PGAP1: variants seen among roughly 807,000 people sequenced by gnomAD.
The protein encoded by PGAP1 is GPI inositol-deacylase.
Under a neutral mutation model 127.0 loss-of-function variants are expected in PGAP1, and 76 were observed. The observed-to-expected ratio is 0.60, with a 90% CI of 0.50 to 0.72. The LOEUF (loss-of-function observed/expected upper bound fraction) is 0.72, where lower values mean the gene tolerates loss of function less well. PGAP1 is among the 30% of genes least tolerant of loss of function. The pLI is 0.00. For synonymous variants in PGAP1, 362 were observed against 366.5 expected (o/e 0.99, Z 0.14); for missense variants, 982 against 1,071.3 (o/e 0.92, Z 1.16).
At chr2:196,860,757 T>C (rs1028313597) in intron 20 of PGAP1, among the ~76,000 whole-genome samples, 1 of 152,208 alleles carries the variant, frequency 6.6e-6, no homozygotes, top group Non-Finnish European at 1.5e-5. Context: ...AAACTGTCTA[T>C]ACTACCTCAA....
Position 196,880,214 on chromosome 2 carries a change from A to G in PGAP1, c.1273-61T>C, listed in dbSNP as rs139320468. On this transcript the variant is annotated intron_variant, in intron 12 of 26. Coordinates refer to ENST00000354764, the MANE Select transcript of PGAP1 (RefSeq NM_024989.4). ...TAGAGATTAATGCATGTTTAAAGAA[A>G]AATAAATAACACTTATTTCTTACTT... The G allele has an allele frequency of 8.9e-4, 916 of 1,025,330 alleles. 6 individuals are homozygous for G. The African/African-American group carries it at 0.015, about 17-fold the overall frequency. 63.5% of individuals were successfully genotyped at this position (1,025,330 alleles called of 1,614,324 possible). A position where few individuals can be genotyped will look rare whatever the true frequency, so the allele number is the denominator to read the frequency against.
chr2:196,848,183 T>C, intron 20 of PGAP1, 146 bp from the exon 21 acceptor site: 1 of 424,248 alleles, frequency 2.4e-6, no homozygotes. Flanking sequence ...CTTGAAAGAT[T>C]AAAAATAGCT....
intron 10 of PGAP1, among the ~76,000 whole-genome samples, chr2:196,887,073 A>G (rs967752842): frequency 1.3e-5 from 2 of 152,218 alleles, no homozygotes; most frequent in Non-Finnish European, 2.9e-5. Context: ...AATGCTGCAG[A>G]GATGATTGTG....
Position 196,892,517 on chromosome 2 carries a change from G to C in PGAP1, c.1034-116C>G. 7.7e-6 allele frequency: 4 copies of C among 517,022 alleles called. No homozygotes were observed. In the East Asian group the frequency reaches 1.3e-4, roughly 16 times the overall value. 32.0% of individuals were successfully genotyped at this position (517,022 alleles called of 1,614,324 possible). Reference sequence around the variant, plus strand: ...AATCACAATAAAGAAGTGGTTTTCTGAACACTGGCTATATTAAAACAGAAA... The same window carrying C: ...AATCACAATAAAGAAGTGGTTTTCTCAACACTGGCTATATTAAAACAGAAA... On this transcript the variant is annotated intron_variant, in intron 8 of 26. Transcript: ENST00000354764.
intron 20 of PGAP1, among the ~76,000 whole-genome samples, chr2:196,864,493 G>A (rs995324562): frequency 7.4e-5 from 11 of 149,456 alleles, no homozygotes; most frequent in Admixed American, 7.4e-4. Context: ...CCCTTTTTAC[G>A]TCATAAATAC....
At chr2:196,858,476 G>A (rs900272088) in intron 20 of PGAP1, among the ~76,000 whole-genome samples, 12 of 151,900 alleles carry the variant, frequency 7.9e-5, no homozygotes, top group African/African-American at 2.7e-4. Flanking sequence ...TATTCCTTGA[G>A]ACAAATAAAA....
intron 19 of PGAP1, among the ~76,000 whole-genome samples, chr2:196,868,000 G>A (rs1029786925): frequency 4.6e-5 from 7 of 152,114 alleles, no homozygotes; most frequent in African/African-American, 7.2e-5. Flanking sequence ...TCTACTTATC[G>A]AGAGTTAAGC....
chr2:196,896,738 AG>A (rs1428490949), intron 7 of PGAP1, among the ~76,000 whole-genome samples: 1 of 144,018 alleles, frequency 6.9e-6, no homozygotes, highest in Non-Finnish European at 1.5e-5. Context: ...GCTAGGTGGG[AG>A]GATCGCTTGA....
intron 6 of PGAP1, among the ~76,000 whole-genome samples, chr2:196,897,516 T>C (rs1379518033): frequency 6.6e-6 from 1 of 152,206 alleles, no homozygotes; most frequent in African/African-American, 2.4e-5. Flanking sequence ...TTCTAGCAGA[T>C]ACTACTGCTC....
intron 7 of PGAP1, among the ~76,000 whole-genome samples, chr2:196,893,449 A>G (rs2125819915): frequency 6.6e-6 from 1 of 152,318 alleles, no homozygotes; most frequent in Non-Finnish European, 1.5e-5. Context: ...TGAATAAACT[A>G]AAGCACAGAG....
At chr2:196,912,851 G>A in intron 4 of PGAP1, 31 bp downstream of exon 4, 1 of 1,523,406 alleles carries the variant, frequency 6.6e-7, no homozygotes, top group Non-Finnish European at 8.9e-7. Flanking sequence ...AATAACAATG[G>A]GGAGGTTAAT....
rs189590639 is a variant in PGAP1, at chr2:196,893,165, A to G, written c.1008T>C (p.Asn336=). The change falls in exon 8 of 27, where the codon AAT becomes AAC. Residue 336 remains asparagine (N), a synonymous_variant. Transcript: ENST00000354764. ...IRHPSKHFEE[N]PAIISDLTGT... is the part of the protein sequence containing the mutation. ...CTGTTAAGTCAGAAATTATAGCTGG[A>G]TTTTCCTCAAAATGTTTTGATGGGT... is the stretch of plus-strand genomic sequence containing the variant. 55 of 1,593,790 alleles carry G rather than the reference A, an allele frequency of 3.5e-5. No homozygotes were observed. In the East Asian group the frequency reaches 9.5e-4, roughly 28 times the overall value.
chr2:196,907,351 A>G (rs867971471), intron 4 of PGAP1, among the ~76,000 whole-genome samples: 1 of 960 alleles, frequency 1.0e-3, no homozygotes. Flanking sequence ...CAGCCAAACT[A>G]AGCTTCATAA....
At chr2:196,864,162 C>A (rs540305341) in intron 20 of PGAP1, among the ~76,000 whole-genome samples, 2 of 151,602 alleles carry the variant, frequency 1.3e-5, no homozygotes, top group Admixed American at 1.3e-4. Flanking sequence ...GAGGCTGAGG[C>A]GGGCAGATCA....
chr2:196,867,839 AAAGAG>A (rs1220923372), intron 19 of PGAP1, among the ~76,000 whole-genome samples: 1 of 152,178 alleles, frequency 6.6e-6, no homozygotes, highest in African/African-American at 2.4e-5. Context: ...TCCCAGGTAA[AAAGAG>A]AAGAGAAAAA....
At chr2:196,921,143 A>C (rs1703180854) in intron 1 of PGAP1, among the ~76,000 whole-genome samples, 1 of 151,846 alleles carries the variant, frequency 6.6e-6, no homozygotes, top group Non-Finnish European at 1.5e-5. Context: ...GTGAATTTCA[A>C]AACCTGTAAA....
rs1254331051 is a variant in PGAP1, at chr2:196,922,228, G to A, written c.148-2078C>T. ...GGTAAAAATTCTAATAAACTCCCAG[G>A]TAATAGAAAAATGCTGATTTAAGAA... On this transcript the variant is annotated intron_variant, in intron 1 of 26. Transcript: ENST00000354764. The A allele has an allele frequency of 1.7e-5, 21 of 1,261,060 alleles. No individual in the cohort carries two copies. The Admixed American group carries it at 4.0e-4, about 24-fold the overall frequency. 78.1% of individuals were successfully genotyped at this position (1,261,060 alleles called of 1,614,324 possible).
chr2:196,917,335 T>C (rs970065910), intron 2 of PGAP1, among the ~76,000 whole-genome samples: 3 of 152,346 alleles, frequency 2.0e-5, no homozygotes, highest in Admixed American at 6.5e-5. Context: ...TATAGATACA[T>C]TATAATCCAC....
chr2:196,903,161 C>T (rs1286227270), intron 4 of PGAP1, among the ~76,000 whole-genome samples: 1 of 151,694 alleles, frequency 6.6e-6, no homozygotes, highest in Non-Finnish European at 1.5e-5. Flanking sequence ...GGTATATGCA[C>T]ATGTTCAAAC....
Sources: gnomAD v4.1 joint callset for allele counts (sites outside exome capture counted in the v4.1 genomes callset) on GRCh38, gnomAD v4.1.1 for gene constraint, MANE v1.5 for transcripts, NCBI Gene and HGNC (gene_info 2026-07-23, HGNC 2026-07-21) for gene names.